Variants in TNFSF18 observed in about 807,000 individuals in gnomAD.
TNFSF18 encodes the protein tumor necrosis factor ligand superfamily member 18.
In TNFSF18, 6 loss-of-function variants were observed where a neutral mutation model predicts 9.6. The ratio of observed to expected loss-of-function variants is 0.63; its 90% CI spans 0.34 to 1.24. The LOEUF is 1.24. Among genes scored for constraint, TNFSF18 ranks in the 50% most tolerant of loss-of-function variants. The probability of loss-of-function intolerance (pLI) is 0.03; values close to 1 mark genes in which losing one functional copy is unlikely to be tolerated. For missense variants in TNFSF18, 210 were observed against 201.0 expected (o/e 1.04, Z -0.27); for synonymous variants, 68 against 71.7 (o/e 0.95, Z 0.26).
At position 173,041,256 on chromosome 1, in the gene TNFSF18, T is replaced by G. The variant is rs995689876; in HGVS notation, c.*111A>C. 2.2e-5 allele frequency: 19 copies of G among 868,236 alleles called. No individual in the cohort carries two copies. The highest frequency in any genetic ancestry group is 7.8e-5 in the East Asian group (3 of 38,488). 53.8% of individuals were successfully genotyped at this position (868,236 alleles called of 1,614,324 possible). Reference sequence around the variant, plus strand: ...TTCACGTGCAGAGGAGTTCTGTTTGTGTTGATTTTTGTAGACAGACAAACT... The same window carrying G: ...TTCACGTGCAGAGGAGTTCTGTTTGGGTTGATTTTTGTAGACAGACAAACT... On this transcript the variant is annotated 3_prime_UTR_variant, in exon 3 of 3. Coordinates refer to ENST00000404377, the MANE Select transcript of TNFSF18 (RefSeq NM_005092.4).
At chr1:173,043,530 AAAC>A (rs535355329) in intron 2 of TNFSF18, among the ~76,000 whole-genome samples, 175 of 152,314 alleles carry the variant, frequency 1.1e-3, no homozygotes, top group African/African-American at 4.0e-3. Flanking sequence ...ATACATTTAG[AAAC>A]AACAATGGCA....
chr1:173,041,323 A>C lies in TNFSF18; in HGVS notation c.*44T>G, dbSNP rs749604294. ...TTCTCCCTCCAATCCACCCACTGGCACCTCTACATGTGCTGAAGGGAATGA... is the reference window on the plus strand; with the variant it reads ...TTCTCCCTCCAATCCACCCACTGGCCCCTCTACATGTGCTGAAGGGAATGA... On this transcript the variant is annotated 3_prime_UTR_variant, in exon 3 of 3. Transcript: ENST00000404377. The C allele has an allele frequency of 6.9e-7, 1 of 1,443,558 alleles. No homozygotes were observed. Among genetic ancestry groups the C allele is most frequent in the Non-Finnish European group, 9.4e-7 (1 of 1,063,624 alleles). 89.4% of individuals were successfully genotyped at this position (1,443,558 alleles called of 1,614,324 possible). A position where few individuals can be genotyped will look rare whatever the true frequency, so the allele number is the denominator to read the frequency against.
intron 1 of TNFSF18, among the ~76,000 whole-genome samples, chr1:173,048,853 T>C (rs2101928671): frequency 6.6e-6 from 1 of 152,288 alleles, no homozygotes; most frequent in South Asian, 2.1e-4. Flanking sequence ...TCAGACTTCT[T>C]TTCCAGAGAT....
chr1:173,049,913 C>T (rs1883477), intron 1 of TNFSF18, among the ~76,000 whole-genome samples: 31,540 of 151,938 alleles, frequency 0.21, 4,827 homozygotes, highest in East Asian at 0.75. Flanking sequence ...CCCAGTGTAC[C>T]ATCCCATTCT....
chr1:173,048,681 T>C (rs2101928608), intron 1 of TNFSF18, among the ~76,000 whole-genome samples: 1 of 152,308 alleles, frequency 6.6e-6, no homozygotes, highest in South Asian at 2.1e-4. Flanking sequence ...TGTTACACTT[T>C]CTTTTAAGTG....
At chr1:173,047,826 C>T (rs527608654) in intron 1 of TNFSF18, among the ~76,000 whole-genome samples, 2 of 152,236 alleles carry the variant, frequency 1.3e-5, no homozygotes, top group African/African-American at 4.8e-5. Flanking sequence ...TTATTGCCAC[C>T]ACTAAAAATC....
intron 2 of TNFSF18, among the ~76,000 whole-genome samples, chr1:173,042,178 C>T (rs757755168): frequency 4.6e-5 from 7 of 152,146 alleles, no homozygotes; most frequent in Middle Eastern, 3.2e-3. Context: ...AAAGTGTTCT[C>T]CTATCATTCC....
rs1180914011 is a variant in TNFSF18 at position 173,040,821 on chromosome 1, G to A, written c.*546C>T. 1 of 152,204 alleles carries A rather than the reference G, an allele frequency of 6.6e-6. No individual in the cohort carries two copies. The highest frequency in any genetic ancestry group is 1.9e-4 in the East Asian group (1 of 5,196). 9.4% of individuals were successfully genotyped at this position (152,204 alleles called of 1,614,324 possible). ...GCGTACATTCCATTTTATGCCACTT[G>A]TACCTCTATTCCAATAGTTCTCAGA... On this transcript the variant is annotated 3_prime_UTR_variant, in exon 3 of 3. Transcript: ENST00000404377.
chr1:173,045,629 GTTT>G (rs1041650931), intron 1 of TNFSF18, among the ~76,000 whole-genome samples: 4 of 138,862 alleles, frequency 2.9e-5, no homozygotes, highest in African/African-American at 1.0e-4. Flanking sequence ...GATCAAAGAG[GTTT>G]TTTGTTGTTG....
chr1:173,043,905 G>A lies in TNFSF18; in HGVS notation c.187+34C>T, dbSNP rs761115843. The stretch of plus-strand genomic sequence containing the variant: ...CCTGCCTTCTTGCATCAAAAACTAA[G>A]AAAAGTAAAAGACATGCAAGATAGG... On this transcript the variant is annotated intron_variant, in intron 2 of 2. Coordinates refer to ENST00000404377, the MANE Select transcript of TNFSF18 (RefSeq NM_005092.4). 10 of 1,598,764 alleles carry A rather than the reference G, an allele frequency of 6.3e-6. No individual in the cohort carries two copies. The Admixed American group carries it at 1.7e-4, about 27-fold the overall frequency.
At chr1:173,044,005 AT>A (rs757150101) in intron 1 of TNFSF18, 36 bp from the exon 2 acceptor site, 10 of 1,590,316 alleles carry the variant, frequency 6.3e-6, no homozygotes, top group Non-Finnish European at 8.6e-6. Flanking sequence ...GATTAGGATG[AT>A]GACAGTGTCA....
intron 1 of TNFSF18, 96 bp downstream of exon 1, chr1:173,050,645 T>C (rs1665155573): frequency 1.2e-6 from 1 of 800,328 alleles, no homozygotes; most frequent in Non-Finnish European, 2.0e-6. Flanking sequence ...CTTCCAACTA[T>C]TGCTAACAAT....
At chr1:173,044,082 T>TA (rs889756347) in intron 1 of TNFSF18, 113 bp from the exon 2 acceptor site, 126 of 1,009,706 alleles carry the variant, frequency 1.2e-4, no homozygotes, top group African/African-American at 2.3e-4. Flanking sequence ...TCTATAACCA[T>TA]AAAAAAAATC....
chr1:173,049,594 T>A lies in TNFSF18; in HGVS notation c.156+1147A>T, dbSNP rs532203109. On this transcript the variant is annotated intron_variant, in intron 1 of 2. Coordinates refer to ENST00000404377, the MANE Select transcript of TNFSF18 (RefSeq NM_005092.4). ...AAGCTATACCTACTCTAAATTAATA[T>A]CAATAGGGGACTGCTTCCTCCTGCA... Among the ~76,000 whole-genome samples, 23 of 152,292 alleles carry A rather than the reference T, an allele frequency of 1.5e-4. No homozygotes were observed. The South Asian group carries it at 4.8e-3, about 32-fold the overall frequency.
intron 1 of TNFSF18, among the ~76,000 whole-genome samples, chr1:173,044,255 A>ACC (rs34959339): frequency 0.016 from 2,198 of 141,238 alleles, 39 homozygotes; most frequent in African/African-American, 0.047. Context: ...TTGATATCGG[A>ACC]CCCCCCCCCC....
Position 173,050,765 on chromosome 1 carries a change from T to A in TNFSF18, c.132A>T (p.Leu44=). Residue 44 remains leucine, a synonymous_variant, in exon 1 of 3, where the codon CTA becomes CTT. Transcript: ENST00000404377. ...CCTCTAATTGGAGAAAAATAAAGAT[T>A]AGCCAACTGAAGGAGCAAAGAAATA... ...MLLFLCSFSW[L]IFIFLQLETA... is the part of the protein sequence containing the mutation. 4.3e-6 allele frequency: 7 copies of A among 1,609,734 alleles called. No homozygotes were observed. The highest frequency in any genetic ancestry group is 5.9e-6 in the Non-Finnish European group (7 of 1,177,922).
chr1:173,041,200 G>T lies in TNFSF18; in HGVS notation c.*167C>A. Reference sequence around the variant, plus strand: ...CAAAAGTCTTTGGCTCTTCCCCTGAGTCTCTTTCAGATAGGCATGATAGAT... The same window carrying T: ...CAAAAGTCTTTGGCTCTTCCCCTGATTCTCTTTCAGATAGGCATGATAGAT... On this transcript the variant is annotated 3_prime_UTR_variant, in exon 3 of 3. Coordinates refer to ENST00000404377, the MANE Select transcript of TNFSF18 (RefSeq NM_005092.4). 1.7e-6 allele frequency: 1 copy of T among 580,854 alleles called. No individual in the cohort carries two copies. The highest frequency in any genetic ancestry group is 2.9e-6 in the Non-Finnish European group (1 of 341,162). 36.0% of individuals were successfully genotyped at this position (580,854 alleles called of 1,614,324 possible). A position where few individuals can be genotyped will look rare whatever the true frequency, so the allele number is the denominator to read the frequency against.
chr1:173,044,015 C>A, intron 1 of TNFSF18, 46 bp from the exon 2 acceptor site: 1 of 1,562,866 alleles, frequency 6.4e-7, no homozygotes, highest in South Asian at 1.1e-5. Flanking sequence ...ATGACAGTGT[C>A]ATTAATTTTT....
intron 1 of TNFSF18, among the ~76,000 whole-genome samples, chr1:173,046,188 GTTGGATTTAATCAGCA>G (rs1250908270): frequency 2.0e-5 from 3 of 152,202 alleles, no homozygotes; most frequent in African/African-American, 7.2e-5. Flanking sequence ...AGACAGAGCA[GTTGGATTTAATCAGCA>G]TTGGAGGTTT....
Sources: allele counts gnomAD v4.1 joint callset (sites outside exome capture counted in the v4.1 genomes callset), GRCh38; gene constraint gnomAD v4.1.1; transcripts MANE v1.5; gene names NCBI Gene and HGNC (gene_info 2026-07-23, HGNC 2026-07-21).